HS3ST4: variants seen among roughly 807,000 people sequenced by gnomAD.
HS3ST4 encodes heparan sulfate-glucosamine 3-sulfotransferase 4.
Under a neutral mutation model 29.2 loss-of-function variants are expected in HS3ST4, and 17 were observed. The ratio of observed to expected loss-of-function variants is 0.58; its 90% CI spans 0.40 to 0.87. The LOEUF (loss-of-function observed/expected upper bound fraction) is 0.87, where lower values mean the gene tolerates loss of function less well. HS3ST4 is among the 40% of genes least tolerant of loss of function. The probability of loss-of-function intolerance (pLI) is 0.00; values close to 1 mark genes in which losing one functional copy is unlikely to be tolerated. For synonymous variants in HS3ST4, 314 were observed against 285.7 expected (o/e 1.10, Z -1.00); for missense variants, 627 against 634.5 (o/e 0.99, Z 0.13).
rs1966312526 is a variant in HS3ST4 at position 25,698,257 on chromosome 16, A to G, written c.734+5106A>G. On this transcript the variant is annotated intron_variant, in intron 1 of 1. Transcript: ENST00000331351. Reference sequence around the variant, plus strand: ...CATATGAGTTATATTAAGTAGAATGATTAGGGAAAACCTCTCTTTGGAGGT... The same window carrying G: ...CATATGAGTTATATTAAGTAGAATGGTTAGGGAAAACCTCTCTTTGGAGGT... Among the ~76,000 whole-genome samples the G allele has an allele frequency of 2.0e-5, 3 of 152,118 alleles. 1 individual carries two copies. The South Asian group carries it at 6.2e-4, about 32-fold the overall frequency.
chr16:25,958,192 G>T (rs1050687452), intron 1 of HS3ST4, among the ~76,000 whole-genome samples: 2 of 152,216 alleles, frequency 1.3e-5, no homozygotes, highest in African/African-American at 4.8e-5. Flanking sequence ...ATAAATAACT[G>T]TTGTTATAAG....
intron 1 of HS3ST4, among the ~76,000 whole-genome samples, chr16:25,934,331 A>G (rs1355509575): frequency 6.6e-6 from 1 of 152,224 alleles, no homozygotes; most frequent in African/African-American, 2.4e-5. Flanking sequence ...TAAGAGGCAA[A>G]GACCTCATAG....
intron 1 of HS3ST4, among the ~76,000 whole-genome samples, chr16:25,723,340 T>C (rs1002371677): frequency 6.6e-6 from 1 of 152,260 alleles, no homozygotes; most frequent in African/African-American, 2.4e-5. Flanking sequence ...TGGTAGTTTC[T>C]TTTTAAACCA....
intron 1 of HS3ST4, among the ~76,000 whole-genome samples, chr16:26,093,768 G>A (rs1003901751): frequency 5.9e-5 from 9 of 152,306 alleles, no homozygotes; most frequent in African/African-American, 1.7e-4. Context: ...TGACTTTGAC[G>A]AGTTGACAGA....
chr16:25,994,044 C>G (rs916291342), intron 1 of HS3ST4, among the ~76,000 whole-genome samples: 3 of 149,546 alleles, frequency 2.0e-5, no homozygotes, highest in Non-Finnish European at 4.4e-5. Context: ...CTGTCTTCCC[C>G]TTCTTAGAAG....
At chr16:26,008,953 T>C (rs557416463) in intron 1 of HS3ST4, among the ~76,000 whole-genome samples, 3 of 152,332 alleles carry the variant, frequency 2.0e-5, no homozygotes, top group East Asian at 3.9e-4. Flanking sequence ...ACGCCTAGCA[T>C]GCTGGTGCTT....
intron 1 of HS3ST4, among the ~76,000 whole-genome samples, chr16:25,760,127 C>G (rs1443094470): frequency 6.6e-6 from 1 of 151,980 alleles, no homozygotes; most frequent in Non-Finnish European, 1.5e-5. Flanking sequence ...TAACCCTAAC[C>G]CTAACTCTAA....
intron 1 of HS3ST4, among the ~76,000 whole-genome samples, chr16:26,015,067 A>T (rs1001931294): frequency 6.6e-6 from 1 of 152,232 alleles, no homozygotes; most frequent in Non-Finnish European, 1.5e-5. Flanking sequence ...ACCTTGTTAG[A>T]GTCGTATTTG....
chr16:25,752,305 C>T (rs914669034), intron 1 of HS3ST4, among the ~76,000 whole-genome samples: 1 of 151,980 alleles, frequency 6.6e-6, no homozygotes, highest in African/African-American at 2.4e-5. Context: ...AACATGAAGA[C>T]ATAAAATGGA....
At chr16:26,010,307 A>G (rs760096203) in intron 1 of HS3ST4, among the ~76,000 whole-genome samples, 14 of 152,100 alleles carry the variant, frequency 9.2e-5, no homozygotes, top group Non-Finnish European at 4.4e-5. Flanking sequence ...TACAAAAATT[A>G]GCTGGGTACA....
Position 25,796,327 on chromosome 16 carries a change from C to A in HS3ST4, c.734+103176C>A, listed in dbSNP as rs28547156. On this transcript the variant is annotated intron_variant, in intron 1 of 1. Coordinates refer to ENST00000331351, the MANE Select transcript of HS3ST4 (RefSeq NM_006040.3). ...GGGTTTGGGGGTTTGGCTTTTAAAT[C>A]CCAGCTGCCTCTTAAACTCTCTGGA... 1.2e-4 allele frequency among the ~76,000 whole-genome samples: 18 copies of A among 152,210 alleles called. No individual in the cohort carries two copies. The South Asian group carries it at 1.2e-3, about 11-fold the overall frequency.
intron 1 of HS3ST4, among the ~76,000 whole-genome samples, chr16:25,872,426 T>G (rs1967764888): frequency 6.6e-6 from 1 of 152,222 alleles, no homozygotes; most frequent in Admixed American, 6.5e-5. Context: ...GTTGGGTGGT[T>G]CTTCTGTTTG....
chr16:25,729,648 G>C (rs181887653), intron 1 of HS3ST4, among the ~76,000 whole-genome samples: 1 of 152,110 alleles, frequency 6.6e-6, no homozygotes, highest in African/African-American at 2.4e-5. Context: ...TTCCCTTCTT[G>C]TTGTCATGGG....
intron 1 of HS3ST4, among the ~76,000 whole-genome samples, chr16:26,123,049 G>A (rs1300105110): frequency 7.0e-6 from 1 of 143,194 alleles, no homozygotes; most frequent in African/African-American, 2.8e-5. Context: ...GTGAGACTCT[G>A]TCTCAAAAAA....
At chr16:25,722,351 G>T (rs1316708186) in intron 1 of HS3ST4, among the ~76,000 whole-genome samples, 1 of 152,150 alleles carries the variant, frequency 6.6e-6, no homozygotes, top group African/African-American at 2.4e-5. Flanking sequence ...GTCTACCAAA[G>T]GTAGATATAT....
intron 1 of HS3ST4, among the ~76,000 whole-genome samples, chr16:25,755,928 A>G (rs1437976041): frequency 1.3e-5 from 2 of 152,240 alleles, no homozygotes; most frequent in South Asian, 2.1e-4. Context: ...TATTTCCTTG[A>G]CTTATGTCTT....
chr16:25,802,350 T>C (rs1966947617), intron 1 of HS3ST4, among the ~76,000 whole-genome samples: 1 of 152,142 alleles, frequency 6.6e-6, no homozygotes, highest in East Asian at 1.9e-4. Flanking sequence ...TTTTCCTACA[T>C]ATCTGAAATA....
At chr16:25,904,152 A>ATGGATGGATGGC (rs1567268978) in intron 1 of HS3ST4, among the ~76,000 whole-genome samples, 2 of 71,296 alleles carry the variant, frequency 2.8e-5, no homozygotes, top group African/African-American at 1.3e-4. Flanking sequence ...GGATGGATGG[A>ATGGATGGATGGC]TGAATGGATG....
At chr16:26,004,503 G>A (rs964608156) in intron 1 of HS3ST4, among the ~76,000 whole-genome samples, 1 of 152,042 alleles carries the variant, frequency 6.6e-6, no homozygotes, top group Non-Finnish European at 1.5e-5. Context: ...TGAAATCTAC[G>A]GAAAAACATA....
Sources: gnomAD v4.1 joint callset for allele counts (sites outside exome capture counted in the v4.1 genomes callset) on GRCh38, gnomAD v4.1.1 for gene constraint, MANE v1.5 for transcripts, NCBI Gene and HGNC (gene_info 2026-07-23, HGNC 2026-07-21) for gene names.